ESD: variants seen among roughly 807,000 people sequenced by gnomAD.
ESD encodes S-formylglutathione hydrolase.
Under a neutral mutation model 38.1 loss-of-function variants are expected in ESD, and 34 were observed. That is an observed-to-expected ratio of 0.89 (90% confidence interval 0.68 to 1.19). ESD has a LOEUF of 1.19. Ranked by LOEUF, ESD falls within the 50% of genes most tolerant of loss-of-function variation. The pLI is 0.00. For missense variants in ESD, 334 were observed against 327.2 expected, an observed-to-expected ratio of 1.02 and a Z score of -0.16; for synonymous variants, 97 against 107.0, an observed-to-expected ratio of 0.91 and a Z score of 0.58.
chr13:46,786,962 T>C (rs1875213339), intron 4 of ESD, 59 bp downstream of exon 4: 1 of 1,084,984 alleles, frequency 9.2e-7, no homozygotes, highest in African/African-American at 1.6e-5. Context: ...AAGGGTAAGA[T>C]AAGCCAGTTA....
Position 46,775,983 on chromosome 13 carries a change from T to G in ESD, c.768+1473A>C, listed in dbSNP as rs1015462814. On this transcript the variant is annotated intron_variant, in intron 9 of 9. Transcript: ENST00000378720. ...AATCATTGTAGAAACAACAGAAATT[T>G]TGGGCCCAGTCTTTGGGGAAGCAAA... 4 of 229,708 alleles carry G rather than the reference T, an allele frequency of 1.7e-5. No individual in the cohort carries two copies. In the East Asian group the frequency reaches 3.6e-4, roughly 21 times the overall value. 14.2% of individuals were successfully genotyped at this position (229,708 alleles called of 1,614,324 possible).
rs761936989 is a variant in ESD, at chr13:46,782,637, A to T, written c.381+30T>A. On this transcript the variant is annotated intron_variant, in intron 6 of 9. Transcript: ENST00000378720. Reference sequence around the variant, plus strand: ...CAAAATCAAACTCTTGGCAGTCATCAATTAATAATTACAATACAAATTAAA... The same window carrying T: ...CAAAATCAAACTCTTGGCAGTCATCTATTAATAATTACAATACAAATTAAA... The T allele has an allele frequency of 3.7e-6, 6 of 1,605,788 alleles. No homozygotes were observed. The African/African-American group carries it at 8.1e-5, about 22-fold the overall frequency.
chr13:46,778,388 G>A (rs1171275960), intron 8 of ESD, among the ~76,000 whole-genome samples: 1 of 151,776 alleles, frequency 6.6e-6, no homozygotes, highest in Non-Finnish European at 1.5e-5. Context: ...ATCTTAGAGT[G>A]GGAGAGGACC....
intron 7 of ESD, 72 bp from the exon 8 acceptor site, chr13:46,780,105 T>TA (rs1372780928): frequency 2.0e-6 from 2 of 1,002,500 alleles, no homozygotes; most frequent in Non-Finnish European, 2.9e-6. Flanking sequence ...ATTTGCAACT[T>TA]ACTTAAAAAT....
At chr13:46,791,070 G>C (rs1301470144) in intron 3 of ESD, among the ~76,000 whole-genome samples, 1 of 152,112 alleles carries the variant, frequency 6.6e-6, no homozygotes, top group Non-Finnish European at 1.5e-5. Context: ...AATGTTTTCA[G>C]AATTTTTACT....
intron 1 of ESD, 125 bp downstream of exon 1, chr13:46,796,980 T>A (rs1385414850): frequency 6.6e-6 from 1 of 152,196 alleles, no homozygotes; most frequent in Non-Finnish European, 1.5e-5. Context: ...AGGGTCGCCG[T>A]CTCTGCGCTC....
At position 46,791,642 on chromosome 13, in the gene ESD, A is replaced by G. The variant is rs74080915; in HGVS notation, c.-7-222T>C. 3.5e-3 allele frequency among the ~76,000 whole-genome samples: 535 copies of G among 152,190 alleles called. 3 individuals carry two copies. The highest frequency in any genetic ancestry group is 0.012 in the African/African-American group (515 of 41,570). Reference sequence around the variant, plus strand: ...CTTTTAAAAGCTTTCATACTTTGGTATATCATTACTAATTTATTAACAAGT... The same window carrying G: ...CTTTTAAAAGCTTTCATACTTTGGTGTATCATTACTAATTTATTAACAAGT... On this transcript the variant is annotated intron_variant, in intron 2 of 9. Coordinates refer to ENST00000378720, the MANE Select transcript of ESD (RefSeq NM_001984.2).
intron 8 of ESD, among the ~76,000 whole-genome samples, chr13:46,779,714 T>TATATATATATAAAATAATATATATAATA (rs1566278791): frequency 2.1e-5 from 3 of 146,046 alleles, no homozygotes; most frequent in African/African-American, 7.4e-5. Flanking sequence ...TTTATATATA[T>TATATATATATAAAATAATATATATAATA]ATATATATAA....
chr13:46,796,422 C>G (rs918113243), intron 1 of ESD, among the ~76,000 whole-genome samples: 1 of 152,158 alleles, frequency 6.6e-6, no homozygotes, highest in Non-Finnish European at 1.5e-5. Flanking sequence ...CTGCTTCTAC[C>G]ACACACACAA....
chr13:46,774,980 T>C (rs2138283272), intron 9 of ESD, among the ~76,000 whole-genome samples: 1 of 152,294 alleles, frequency 6.6e-6, no homozygotes, highest in East Asian at 1.9e-4. Flanking sequence ...TCCTGAGACT[T>C]AAGGAGGTAG....
intron 1 of ESD, among the ~76,000 whole-genome samples, chr13:46,795,348 T>C (rs1021027599): frequency 3.9e-5 from 6 of 152,260 alleles, no homozygotes; most frequent in Non-Finnish European, 2.9e-5. Context: ...GTGGAATTGT[T>C]AGTCATTTTT....
Position 46,781,492 on chromosome 13 carries a change from T to G in ESD, c.501+4A>C. ...TTTATCACTAGAAGTTTAGATAATC[T>G]TACTTTGTATTTTCCAGGATTTTTC... On this transcript the variant is annotated splice_donor_region_variant and intron_variant, in intron 7 of 9. Transcript: ENST00000378720. 1 of 1,589,786 alleles carries G rather than the reference T, an allele frequency of 6.3e-7. No homozygotes were observed. Among genetic ancestry groups the G allele is most frequent in the Non-Finnish European group, 8.6e-7 (1 of 1,169,304 alleles).
Position 46,791,382 on chromosome 13 carries a change from C to A in ESD, c.32G>T (p.Cys11Phe). ...AAAAACTTTCTGCAATCCCCCAAAG[C>A]ACTTGTTGCTGGAAATCTGCTTCAA... MALKQISSNK[C>F]FGGLQKVFEH... The change falls in exon 3 of 10, where the codon TGC (cysteine) becomes TTC (phenylalanine). Residue 11 changes from cysteine to phenylalanine, a missense_variant. Coordinates refer to ENST00000378720, the MANE Select transcript of ESD (RefSeq NM_001984.2). The A allele has an allele frequency of 6.2e-7, 1 of 1,613,108 alleles. No individual in the cohort carries two copies. Among genetic ancestry groups the A allele is most frequent in the Non-Finnish European group, 8.5e-7 (1 of 1,179,464 alleles).
chr13:46,796,594 G>C (rs1228318799), intron 1 of ESD, among the ~76,000 whole-genome samples: 2 of 151,942 alleles, frequency 1.3e-5, no homozygotes, highest in Non-Finnish European at 2.9e-5. Flanking sequence ...AAAGACACGT[G>C]CTCCCCTCGG....
rs536387104 is a variant in ESD, at chr13:46,773,644, A to G, written c.769-2148T>C. Among the ~76,000 whole-genome samples, 4 of 152,348 alleles carry G rather than the reference A, an allele frequency of 2.6e-5. No homozygotes were observed. In the East Asian group the frequency reaches 7.7e-4, roughly 29 times the overall value. ...CTCAATCTCTCCCTTCCAGAGAGGT[A>G]TTAAATGTTTATCTTGGGAACAGCT... On this transcript the variant is annotated intron_variant, in intron 9 of 9. Transcript: ENST00000378720.
chr13:46,794,185 C>T (rs1042223307), intron 1 of ESD, among the ~76,000 whole-genome samples: 1 of 149,616 alleles, frequency 6.7e-6, no homozygotes, highest in African/African-American at 2.5e-5. Flanking sequence ...ACAACAACAA[C>T]AAAAACAGAA....
chr13:46,792,808 TAGAG>T (rs560965696), intron 2 of ESD, among the ~76,000 whole-genome samples: 4 of 151,816 alleles, frequency 2.6e-5, no homozygotes, highest in African/African-American at 4.8e-5. Context: ...AATGAACTTA[TAGAG>T]AGAGATACTA....
chr13:46,771,334 A>AT lies in ESD; in HGVS notation c.*81dup, dbSNP rs199682790. The AT allele has an allele frequency of 0.16, 109,884 of 695,956 alleles. 2,953 individuals are homozygous for AT. Among genetic ancestry groups the AT allele is most frequent in the East Asian group, 0.3 (9,642 of 32,182 alleles). The allele number at this position is 695,956 out of a possible 1,614,324, so 43.1% of individuals were successfully genotyped here. On this transcript the variant is annotated 3_prime_UTR_variant, in exon 10 of 10. Transcript: ENST00000378720. ...AGCACTATAAAATCCAATGTTTTGA[A>AT]TTTTTTTTTTTTTTGCTCAGCAATA...
chr13:46,776,025 G>A, intron 9 of ESD: 1 of 186,686 alleles, frequency 5.4e-6, no homozygotes, highest in South Asian at 1.1e-4. Flanking sequence ...ATCCAACATG[G>A]GTAGTGCCAA....
Sources: allele counts gnomAD v4.1 joint callset (sites outside exome capture counted in the v4.1 genomes callset), GRCh38; gene constraint gnomAD v4.1.1; transcripts MANE v1.5; gene names NCBI Gene and HGNC (gene_info 2026-07-23, HGNC 2026-07-21).